GPR89B: variants seen among roughly 807,000 people sequenced by gnomAD.
The protein encoded by GPR89B is G protein-coupled receptor 89B.
In GPR89B, 25 loss-of-function variants were observed where a neutral mutation model predicts 52.4. The observed-to-expected ratio is 0.48, with a 90% CI of 0.35 to 0.67. The LOEUF is 0.67. Ranked by LOEUF, GPR89B falls within the 30% of genes least tolerant of loss-of-function variation. GPR89B has a pLI of 0.01. For synonymous variants in GPR89B, 52 were observed against 151.2 expected (o/e 0.34, Z 4.81); for missense variants, 146 against 450.2 (o/e 0.32, Z 6.11).
intron 10 of GPR89B, among the ~76,000 whole-genome samples, chr1:147,984,929 A>G (rs1169406835): frequency 2.6e-5 from 4 of 152,154 alleles, no homozygotes; most frequent in Non-Finnish European, 5.9e-5. Flanking sequence ...ATATGGTGAT[A>G]AATGTCTTAC....
intron 7 of GPR89B, among the ~76,000 whole-genome samples, chr1:147,960,137 A>G (rs1483331703): frequency 4.6e-5 from 7 of 151,962 alleles, no homozygotes; most frequent in Admixed American, 1.3e-4. Context: ...TGCTGCAGGT[A>G]TGACAGATTT....
intron 3 of GPR89B, among the ~76,000 whole-genome samples, chr1:147,942,086 T>G (rs1278166008): frequency 2.6e-5 from 4 of 151,946 alleles, no homozygotes; most frequent in African/African-American, 7.3e-5. Flanking sequence ...GGGACTCGTA[T>G]CTAGAATATA....
At position 147,993,072 on chromosome 1, in the gene GPR89B, A is replaced by G; in HGVS notation, c.*155A>G. 6.4e-7 allele frequency: 1 copy of G among 1,574,204 alleles called. No homozygotes were observed. The highest frequency in any genetic ancestry group is 8.6e-7 in the Non-Finnish European group (1 of 1,161,906). Reference sequence around the variant, plus strand: ...TAGCATACTCCTTCCCCCTCAGGTGATACTATGACCATGAGTAGCATCAGC... The same window carrying G: ...TAGCATACTCCTTCCCCCTCAGGTGGTACTATGACCATGAGTAGCATCAGC... On this transcript the variant is annotated 3_prime_UTR_variant, in exon 14 of 14. Coordinates refer to ENST00000314163, the MANE Select transcript of GPR89B (RefSeq NM_016334.5).
chr1:147,980,591 A>G (rs1418901517), intron 10 of GPR89B, among the ~76,000 whole-genome samples: 1 of 144,090 alleles, frequency 6.9e-6, no homozygotes. Flanking sequence ...ATACTCATTT[A>G]GTGTATGATG....
intron 1 of GPR89B, among the ~76,000 whole-genome samples, chr1:147,930,443 G>C (rs1364948307): frequency 6.6e-6 from 1 of 151,884 alleles, no homozygotes; most frequent in African/African-American, 2.4e-5. Flanking sequence ...TCATGTGTTT[G>C]TTATCTGTCC....
chr1:148,025,088 A>C, the GPR89B span, among the ~76,000 whole-genome samples: 1 of 151,950 alleles, frequency 6.6e-6, no homozygotes, highest in African/African-American at 2.4e-5. Context: ...AAAACTTGTA[A>C]AGTCATTCTC....
the GPR89B span, among the ~76,000 whole-genome samples, chr1:148,003,360 C>CGGTGTGCTATACTGGCTCACACCGG: frequency 6.6e-6 from 1 of 151,944 alleles, no homozygotes; most frequent in Admixed American, 6.6e-5. Context: ...TCAGGTCCAG[C>CGGTGTGCTATACTGGCTCACACCGG]GGTGTGCTAT....
chr1:148,016,454 T>C, the GPR89B span, among the ~76,000 whole-genome samples: 1 of 109,374 alleles, frequency 9.1e-6, no homozygotes, highest in African/African-American at 3.9e-5. Context: ...TCTTTGTTCC[T>C]GTGTAGGTAC....
chr1:147,937,975 T>C (rs1235865892), intron 2 of GPR89B, among the ~76,000 whole-genome samples: 1 of 152,188 alleles, frequency 6.6e-6, no homozygotes, highest in Non-Finnish European at 1.5e-5. Context: ...TGTTCAGAGA[T>C]TGCAGTAAAG....
intron 7 of GPR89B, among the ~76,000 whole-genome samples, chr1:147,958,018 C>T (rs1656250835): frequency 1.3e-5 from 2 of 151,176 alleles, no homozygotes; most frequent in Non-Finnish European, 2.9e-5. Flanking sequence ...AAGCCCACAT[C>T]GCGCCACTGC....
the GPR89B span, among the ~76,000 whole-genome samples, chr1:148,020,803 T>C: frequency 6.6e-6 from 1 of 151,898 alleles, no homozygotes; most frequent in Non-Finnish European, 1.5e-5. Flanking sequence ...TTCTCATGCC[T>C]CAGCCTCCCA....
chr1:147,935,209 T>A (rs1221578136), intron 1 of GPR89B, among the ~76,000 whole-genome samples: 8 of 149,544 alleles, frequency 5.3e-5, no homozygotes, highest in Admixed American at 4.7e-4. Flanking sequence ...TAGAGAGAAG[T>A]TCCTTTCAGA....
intron 5 of GPR89B, among the ~76,000 whole-genome samples, chr1:147,949,983 C>G (rs1439277313): frequency 2.1e-5 from 3 of 144,892 alleles, no homozygotes; most frequent in Non-Finnish European, 4.6e-5. Context: ...GCTGACCCCC[C>G]CACCTCCCTC....
chr1:148,016,724 C>T, the GPR89B span, among the ~76,000 whole-genome samples: 10 of 151,832 alleles, frequency 6.6e-5, no homozygotes, highest in Admixed American at 1.3e-4. Context: ...AAACCCCACT[C>T]GTAATAAAAA....
chr1:148,013,953 C>G, the GPR89B span, among the ~76,000 whole-genome samples: 1 of 151,780 alleles, frequency 6.6e-6, no homozygotes, highest in East Asian at 1.9e-4. Flanking sequence ...CCGTGCGGAG[C>G]CAGGCCTCAG....
intron 8 of GPR89B, chr1:147,967,793 A>G (rs1179828264): frequency 6.5e-6 from 1 of 153,778 alleles, no homozygotes; most frequent in African/African-American, 2.5e-5. Context: ...AGAAACATTT[A>G]TTTTGTATCT....
At chr1:147,971,497 C>T (rs1328724439) in intron 10 of GPR89B, among the ~76,000 whole-genome samples, 26 of 105,670 alleles carry the variant, frequency 2.5e-4, no homozygotes, top group Non-Finnish European at 3.0e-4. Context: ...TTTGTGAAGA[C>T]GGAGTCTCTC....
chr1:147,968,550 A>G, intron 8 of GPR89B: 1 of 429,178 alleles, frequency 2.3e-6, no homozygotes, highest in Non-Finnish European at 4.3e-6. Context: ...TTCTGTAACT[A>G]TTTACAATCT....
chr1:147,981,020 A>G (rs1262279268), intron 10 of GPR89B, among the ~76,000 whole-genome samples: 43 of 151,578 alleles, frequency 2.8e-4, no homozygotes, highest in African/African-American at 1.0e-3. Context: ...CTCATTTAGC[A>G]TAATGGGGTT....
Sources: allele counts gnomAD v4.1 joint callset (sites outside exome capture counted in the v4.1 genomes callset), GRCh38; gene constraint gnomAD v4.1.1; transcripts MANE v1.5; gene names NCBI Gene and HGNC (gene_info 2026-07-23, HGNC 2026-07-21).